The following SORCS2 variants were observed in gnomAD, a reference collection of about 807,000 sequenced individuals.
SORCS2 encodes the protein VPS10 domain-containing receptor SorCS2.
In SORCS2, 100 loss-of-function variants were observed where a neutral mutation model predicts 141.6. The observed-to-expected ratio is 0.71, with a 90% confidence interval of 0.60 to 0.83. The LOEUF (loss-of-function observed/expected upper bound fraction) is 0.83. Ranked by LOEUF, SORCS2 falls within the 40% of genes least tolerant of loss-of-function variation. The pLI, the probability that SORCS2 is intolerant of heterozygous loss-of-function variation, is 0.00. For synonymous variants in SORCS2, 789 were observed against 676.9 expected (o/e 1.17, Z -2.57); for missense variants, 1,646 against 1,560.2 (o/e 1.05, Z -0.93).
chr4:7,387,635 G>GCA (rs144022353), intron 1 of SORCS2, among the ~76,000 whole-genome samples: 20,353 of 112,894 alleles, frequency 0.18, 1,990 homozygotes, highest in African/African-American at 0.24. Flanking sequence ...TTGCACACAC[G>GCA]CACACACATG....
intron 1 of SORCS2, among the ~76,000 whole-genome samples, chr4:7,348,891 T>C (rs1323612474): frequency 6.6e-6 from 1 of 152,238 alleles, no homozygotes; most frequent in East Asian, 1.9e-4. Context: ...TCTACTGTTT[T>C]GCTGTCGGAA....
chr4:7,388,932 C>T (rs561212657), intron 1 of SORCS2, among the ~76,000 whole-genome samples: 3 of 152,164 alleles, frequency 2.0e-5, no homozygotes, highest in Non-Finnish European at 4.4e-5. Flanking sequence ...TGGTGAAGGA[C>T]TTTAGGCATC....
chr4:7,310,228 TCTC>T (rs1321817639), intron 1 of SORCS2, among the ~76,000 whole-genome samples: 3 of 152,104 alleles, frequency 2.0e-5, no homozygotes, highest in Non-Finnish European at 4.4e-5. Flanking sequence ...TCACATTTAA[TCTC>T]CTCCACAACT....
At chr4:7,244,968 G>T (rs1428178669) in intron 1 of SORCS2, among the ~76,000 whole-genome samples, 2 of 152,200 alleles carry the variant, frequency 1.3e-5, no homozygotes, top group East Asian at 1.9e-4. Flanking sequence ...TGGAAGGGGG[G>T]TGGCTGGAGG....
chr4:7,507,235 C>T (rs557912061), intron 2 of SORCS2, among the ~76,000 whole-genome samples: 6 of 151,030 alleles, frequency 4.0e-5, no homozygotes, highest in Admixed American at 2.6e-4. Context: ...AGTGCAGTGG[C>T]GTGATCTCAG....
At chr4:7,616,856 G>A (rs1320369374) in intron 3 of SORCS2, among the ~76,000 whole-genome samples, 5 of 152,228 alleles carry the variant, frequency 3.3e-5, no homozygotes, top group Admixed American at 3.3e-4. Flanking sequence ...ACGTTTGGAG[G>A]TGATTTCTGG....
At chr4:7,632,458 A>G (rs755522536) in intron 3 of SORCS2, among the ~76,000 whole-genome samples, 2 of 152,206 alleles carry the variant, frequency 1.3e-5, no homozygotes, top group African/African-American at 4.8e-5. Flanking sequence ...CTTTGCTCCA[A>G]TAATCCTTCC....
At chr4:7,443,977 T>C (rs1283236445) in intron 2 of SORCS2, among the ~76,000 whole-genome samples, 1 of 152,198 alleles carries the variant, frequency 6.6e-6, no homozygotes, top group Non-Finnish European at 1.5e-5. Flanking sequence ...AAAAGCTCCT[T>C]GAGCGAGTTG....
intron 3 of SORCS2, among the ~76,000 whole-genome samples, chr4:7,533,463 G>C (rs1025533434): frequency 1.3e-5 from 2 of 152,160 alleles, no homozygotes; most frequent in African/African-American, 2.4e-5. Flanking sequence ...GCCCAGCTTC[G>C]AGTTCCTGTC....
intron 3 of SORCS2, among the ~76,000 whole-genome samples, chr4:7,606,924 C>T (rs1464092024): frequency 6.6e-6 from 1 of 152,148 alleles, no homozygotes; most frequent in African/African-American, 2.4e-5. Context: ...GATCCTTTGA[C>T]TTCATTCCTA....
intron 2 of SORCS2, among the ~76,000 whole-genome samples, chr4:7,499,511 G>A (rs759294871): frequency 9.2e-5 from 14 of 152,228 alleles, no homozygotes; most frequent in African/African-American, 1.9e-4. Context: ...GGCGTGGGGC[G>A]GACTGAAAAG....
intron 3 of SORCS2, among the ~76,000 whole-genome samples, chr4:7,544,148 CCATCCATCCACT>C (rs1489132208): frequency 3.3e-5 from 5 of 152,092 alleles, no homozygotes; most frequent in African/African-American, 7.2e-5. Context: ...ACCCATCTGC[CCATCCATCCACT>C]CATCCATCCA....
chr4:7,630,765 C>T (rs531356294), intron 3 of SORCS2, among the ~76,000 whole-genome samples: 4 of 152,276 alleles, frequency 2.6e-5, no homozygotes, highest in South Asian at 4.2e-4. Flanking sequence ...AGTGTTTGTT[C>T]GCCTCCGCTG....
At chr4:7,713,058 G>C (rs1725934605) in intron 15 of SORCS2, among the ~76,000 whole-genome samples, 2 of 152,106 alleles carry the variant, frequency 1.3e-5, no homozygotes, top group South Asian at 4.2e-4. Context: ...TACCTGGGCT[G>C]AGGGTCCTCA....
chr4:7,569,682 T>A (rs889400334), intron 3 of SORCS2, among the ~76,000 whole-genome samples: 1 of 152,156 alleles, frequency 6.6e-6, no homozygotes, highest in Non-Finnish European at 1.5e-5. Flanking sequence ...CGTGGAATCA[T>A]AAGTCCAGCC....
intron 1 of SORCS2, among the ~76,000 whole-genome samples, chr4:7,339,128 G>A (rs1720213703): frequency 6.6e-6 from 1 of 152,246 alleles, no homozygotes; most frequent in Non-Finnish European, 1.5e-5. Flanking sequence ...GCCCGTGAGG[G>A]TGGGGACAGG....
intron 2 of SORCS2, among the ~76,000 whole-genome samples, chr4:7,458,657 G>A (rs1023659363): frequency 1.3e-5 from 2 of 152,204 alleles, no homozygotes; most frequent in African/African-American, 4.8e-5. Context: ...CTTGACCTGA[G>A]TGTCCTTTCT....
At chr4:7,669,198 C>G (rs566079073) in intron 8 of SORCS2, among the ~76,000 whole-genome samples, 4 of 152,344 alleles carry the variant, frequency 2.6e-5, no homozygotes, top group Admixed American at 2.0e-4. Context: ...GAGACTCTCA[C>G]AGCAGTGACA....
chr4:7,599,826 T>TC (rs1423601875), intron 3 of SORCS2, among the ~76,000 whole-genome samples: 6 of 150,170 alleles, frequency 4.0e-5, no homozygotes, highest in South Asian at 2.1e-4. Flanking sequence ...CTTTTTTCTT[T>TC]TTTTTTTTTT....
Sources: allele counts gnomAD v4.1 joint callset (sites outside exome capture counted in the v4.1 genomes callset), GRCh38; gene constraint gnomAD v4.1.1; transcripts MANE v1.5; gene names NCBI Gene and HGNC (gene_info 2026-07-23, HGNC 2026-07-21).